The following MYRIP variants were observed in gnomAD, a reference collection of about 807,000 sequenced individuals.
MYRIP encodes rab effector MyRIP.
MYRIP carries 49 observed loss-of-function variants against 98.0 expected under a neutral mutation model. The observed-to-expected ratio is 0.50, with a 90% CI of 0.40 to 0.63. The LOEUF (loss-of-function observed/expected upper bound fraction) is 0.63, where lower values mean the gene tolerates loss of function less well. Among genes scored for constraint, MYRIP ranks in the 30% least tolerant of loss-of-function variants. The pLI is 0.00. For synonymous variants in MYRIP, 404 were observed against 409.5 expected, an observed-to-expected ratio of 0.99 and a Z score of 0.16; for missense variants, 1,004 against 1,058.2, an observed-to-expected ratio of 0.95 and a Z score of 0.71.
In MYRIP at chr3:40,067,901, T is replaced by C. The variant is rs149508568; in HGVS notation, c.332+23630T>C. 2.6e-3 allele frequency among the ~76,000 whole-genome samples: 401 copies of C among 152,306 alleles called. 4 individuals carry two copies. The highest frequency in any genetic ancestry group is 9.1e-3 in the African/African-American group (380 of 41,560). ...CATCCATATAACCTCATATTTTAAA[T>C]GGTAATGTCTTCTTTTTACTACCAT... On this transcript the variant is annotated intron_variant, in intron 3 of 16. Transcript: ENST00000302541.
chr3:39,845,656 A>T (rs1295965629), intron 1 of MYRIP, among the ~76,000 whole-genome samples: 1 of 152,082 alleles, frequency 6.6e-6, no homozygotes, highest in Non-Finnish European at 1.5e-5. Context: ...CTTTCCAATA[A>T]ATCAGTCAAC....
intron 11 of MYRIP, among the ~76,000 whole-genome samples, chr3:40,216,926 TAATC>T (rs972920041): frequency 2.0e-5 from 3 of 152,222 alleles, no homozygotes; most frequent in African/African-American, 7.2e-5. Context: ...TGTATTTTGT[TAATC>T]AAATAGCATA....
Position 40,251,964 on chromosome 3 carries a change from A to C in MYRIP, c.2512A>C (p.Thr838Pro). The stretch of plus-strand genomic sequence containing the variant: ...TCTCCAAGGCTCCTCAACAAACAGG[A>C]CTAAGGAAAGGAAAGGCACCACCAA... ...FILQGSSTNR[T>P]KERKGTTKDL... The change falls in exon 16 of 17, where the codon ACT (threonine) becomes CCT (proline). Residue 838 changes from threonine (T) to proline (P), a missense_variant. Thr to Pro is a conservative substitution (Grantham distance 38, BLOSUM62 -1). Around this residue, in one of 3 missense-constraint regions of MYRIP, gnomAD observed 108 missense variants for 111.1 expected, o/e 0.97. Coordinates refer to ENST00000302541, the MANE Select transcript of MYRIP (RefSeq NM_015460.4). 6.2e-7 allele frequency: 1 copy of C among 1,613,302 alleles called. No individual in the cohort carries two copies. Among genetic ancestry groups the C allele is most frequent in the Non-Finnish European group, 8.5e-7 (1 of 1,179,262 alleles).
At chr3:40,221,168 G>A (rs1383942150) in intron 11 of MYRIP, among the ~76,000 whole-genome samples, 2 of 151,564 alleles carry the variant, frequency 1.3e-5, no homozygotes, top group East Asian at 3.9e-4. Flanking sequence ...TTGCCATATG[G>A]TTAGCACATT....
chr3:40,095,945 A>T (rs992161353), intron 3 of MYRIP, among the ~76,000 whole-genome samples: 12 of 149,676 alleles, frequency 8.0e-5, no homozygotes, highest in African/African-American at 3.0e-4. Flanking sequence ...ACACATCCCC[A>T]TTTCTCTCAC....
intron 2 of MYRIP, among the ~76,000 whole-genome samples, chr3:39,925,728 C>G (rs1944407456): frequency 6.6e-6 from 1 of 152,042 alleles, no homozygotes; most frequent in Non-Finnish European, 1.5e-5. Context: ...ATTCAATCCA[C>G]CATTGATGGG....
intron 3 of MYRIP, among the ~76,000 whole-genome samples, chr3:40,045,086 T>C (rs1947642776): frequency 6.6e-6 from 1 of 152,190 alleles, no homozygotes; most frequent in African/African-American, 2.4e-5. Flanking sequence ...GAAGCAGAGA[T>C]GAGCAGGTCC....
chr3:40,018,053 G>T (rs1946909490), intron 2 of MYRIP, among the ~76,000 whole-genome samples: 1 of 152,108 alleles, frequency 6.6e-6, no homozygotes, highest in Non-Finnish European at 1.5e-5. Flanking sequence ...CCTTATGAAT[G>T]TATCAATCAT....
At chr3:39,910,239 G>A (rs1280292067) in intron 2 of MYRIP, among the ~76,000 whole-genome samples, 1 of 152,170 alleles carries the variant, frequency 6.6e-6, no homozygotes, top group East Asian at 1.9e-4. Flanking sequence ...CTAAAACGGT[G>A]TTAAATAATT....
At chr3:40,150,511 T>C (rs1390419653) in intron 3 of MYRIP, among the ~76,000 whole-genome samples, 1 of 152,250 alleles carries the variant, frequency 6.6e-6, no homozygotes, top group East Asian at 1.9e-4. Flanking sequence ...TTGTGCTTTT[T>C]ATTTTTCCAA....
chr3:39,956,884 G>T (rs913280433), intron 2 of MYRIP, among the ~76,000 whole-genome samples: 1 of 151,806 alleles, frequency 6.6e-6, no homozygotes. Flanking sequence ...ATTACCATCA[G>T]AGAATACTAT....
chr3:39,825,478 T>C (rs1941234588), intron 1 of MYRIP, among the ~76,000 whole-genome samples: 1 of 152,232 alleles, frequency 6.6e-6, no homozygotes, highest in Non-Finnish European at 1.5e-5. Flanking sequence ...CCCTTCATTC[T>C]GTTGATGTGT....
rs183468511 is a variant in MYRIP at position 40,014,239 on chromosome 3, A to C, written c.111-29811A>C. Among the ~76,000 whole-genome samples the C allele has an allele frequency of 1.5e-4, 23 of 152,368 alleles. No homozygotes were observed. The East Asian group carries it at 3.7e-3, about 24-fold the overall frequency. On this transcript the variant is annotated intron_variant, in intron 2 of 16. Transcript: ENST00000302541. ...CATTTCCAGAATTCCCAAGATCAAA[A>C]TCTTAAAAGGCTCCTTTGGTATAAT...
intron 3 of MYRIP, among the ~76,000 whole-genome samples, chr3:40,081,802 A>G (rs1559392366): frequency 6.6e-6 from 1 of 152,164 alleles, no homozygotes; most frequent in Non-Finnish European, 1.5e-5. Flanking sequence ...AACTGAAACT[A>G]TGTACCCTTT....
At chr3:40,170,221 T>G in intron 8 of MYRIP, 128 bp downstream of exon 8, 1 of 1,247,104 alleles carries the variant, frequency 8.0e-7, no homozygotes, top group Non-Finnish European at 1.1e-6. Context: ...GGAGCGAAAT[T>G]GAAAGAGAAA....
At chr3:40,099,432 A>G (rs1260262601) in intron 3 of MYRIP, among the ~76,000 whole-genome samples, 2 of 152,184 alleles carry the variant, frequency 1.3e-5, no homozygotes, top group Non-Finnish European at 2.9e-5. Context: ...GGTGAGGATG[A>G]TAGCCATTTG....
At chr3:40,063,242 T>C (rs1427267879) in intron 3 of MYRIP, among the ~76,000 whole-genome samples, 1 of 152,196 alleles carries the variant, frequency 6.6e-6, no homozygotes, top group Admixed American at 6.5e-5. Flanking sequence ...CTTGATCAAC[T>C]CCTAAGGTAG....
chr3:39,917,496 C>T lies in MYRIP; in HGVS notation c.110+16570C>T, dbSNP rs375488628. Among the ~76,000 whole-genome samples, 6 of 149,238 alleles carry T rather than the reference C, an allele frequency of 4.0e-5. No individual in the cohort carries two copies. In the East Asian group the frequency reaches 1.2e-3, roughly 29 times the overall value. On this transcript the variant is annotated intron_variant, in intron 2 of 16. Coordinates refer to ENST00000302541, the MANE Select transcript of MYRIP (RefSeq NM_015460.4). ...ATTAAAAAAAAAAAAGCTGTTGAAA[C>T]TTCCAAAACACTTTAAGCCTTGAGA...
In MYRIP at chr3:40,190,342, A is replaced by G. The variant is rs990980106; in HGVS notation, c.1544A>G (p.Glu515Gly). 10 of 1,613,898 alleles carry G rather than the reference A, an allele frequency of 6.2e-6. No individual in the cohort carries two copies. The highest frequency in any genetic ancestry group is 8.5e-6 in the Non-Finnish European group (10 of 1,179,940). The change falls in exon 10 of 17, where the codon GAG (glutamate) becomes GGG (glycine). Residue 515 changes from glutamate (E) to glycine (G), a missense_variant. Physicochemically the swap from Glu to Gly is moderately conservative, Grantham distance 98. Coordinates refer to ENST00000302541, the MANE Select transcript of MYRIP (RefSeq NM_015460.4). ...RETSDSSEPE[E>G]APHTTDRRAR... ...ACCTCGGACAGCAGCGAGCCGGAGGAGGCCCCCCACACCACAGACCGGCGG... is the reference window on the plus strand; with the variant it reads ...ACCTCGGACAGCAGCGAGCCGGAGGGGGCCCCCCACACCACAGACCGGCGG...
Sources: allele counts gnomAD v4.1 joint callset (sites outside exome capture counted in the v4.1 genomes callset), GRCh38; gene constraint gnomAD v4.1.1; regional missense constraint gnomAD v4.1.1; transcripts MANE v1.5; gene names NCBI Gene and HGNC (gene_info 2026-07-23, HGNC 2026-07-21).